TMEM209: variants seen among roughly 807,000 people sequenced by gnomAD.
TMEM209 encodes testicular tissue protein Li 202.
A neutral mutation model predicts 76.2 loss-of-function variants in TMEM209; 65 were observed. The observed-to-expected ratio is 0.85, with a 90% confidence interval of 0.70 to 1.05. The LOEUF (loss-of-function observed/expected upper bound fraction) is 1.05, where lower values mean the gene tolerates loss of function less well. Ranked by LOEUF, TMEM209 falls within the 50% of genes least tolerant of loss-of-function variation. The pLI, the probability that TMEM209 is intolerant of heterozygous loss-of-function variation, is 0.00. For synonymous variants in TMEM209, 239 were observed against 237.6 expected, an observed-to-expected ratio of 1.01 and a Z score of -0.06; for missense variants, 623 against 685.5, an observed-to-expected ratio of 0.91 and a Z score of 1.02.
intron 5 of TMEM209, among the ~76,000 whole-genome samples, chr7:130,197,797 T>G (rs541176360): frequency 6.6e-6 from 1 of 152,382 alleles, no homozygotes; most frequent in South Asian, 2.1e-4. Context: ...AATTTCTCCT[T>G]AAGTCTATGT....
chr7:130,203,357 C>T (rs992287292), intron 3 of TMEM209, among the ~76,000 whole-genome samples: 1 of 152,134 alleles, frequency 6.6e-6, no homozygotes, highest in African/African-American at 2.4e-5. Flanking sequence ...ATGAAATTTA[C>T]TTTAACATCC....
chr7:130,176,791 CA>C (rs985558576), intron 10 of TMEM209, among the ~76,000 whole-genome samples: 3 of 152,018 alleles, frequency 2.0e-5, no homozygotes, highest in African/African-American at 7.2e-5. Context: ...CAAACATTGC[CA>C]AAAAATTATG....
chr7:130,185,248 C>T lies in TMEM209; in HGVS notation c.895G>A (p.Ala299Thr), dbSNP rs1797557900. 1.2e-6 allele frequency: 2 copies of T among 1,613,842 alleles called. No homozygotes were observed. The highest frequency in any genetic ancestry group is 1.3e-5 in the African/African-American group (1 of 74,914). The change falls in exon 7 of 15, where the codon GCC becomes ACC. Residue 299 changes from alanine to threonine, a missense_variant. Coordinates refer to ENST00000397622, the MANE Select transcript of TMEM209 (RefSeq NM_032842.4). Reference protein sequence around the residue: ...FQYQLACRSQAPCANKDEADL... With the variant: ...FQYQLACRSQTPCANKDEADL... ...GCTTCATCTTTGTTAGCACATGGGGCCTGAGACCTACAGGCAAGCTGATAC... is the reference window on the plus strand; with the variant it reads ...GCTTCATCTTTGTTAGCACATGGGGTCTGAGACCTACAGGCAAGCTGATAC...
intron 2 of TMEM209, 58 bp downstream of exon 2, chr7:130,203,916 C>T: frequency 6.2e-7 from 1 of 1,601,578 alleles, no homozygotes; most frequent in South Asian, 1.1e-5. Context: ...ACACAAAAAC[C>T]TGTGGAACCA....
chr7:130,198,363 C>A (rs1224021162), intron 5 of TMEM209, among the ~76,000 whole-genome samples: 1 of 152,100 alleles, frequency 6.6e-6, no homozygotes, highest in Non-Finnish European at 1.5e-5. Flanking sequence ...GTAATCCCAG[C>A]ACTTTGGGAG....
intron 6 of TMEM209, among the ~76,000 whole-genome samples, chr7:130,189,917 T>C (rs547588460): frequency 9.9e-5 from 15 of 152,074 alleles, no homozygotes; most frequent in Non-Finnish European, 2.2e-4. Context: ...TCAGGGCTCT[T>C]AGAGAAACAG....
At chr7:130,187,919 A>G (rs1315148734) in intron 6 of TMEM209, among the ~76,000 whole-genome samples, 2 of 152,148 alleles carry the variant, frequency 1.3e-5, no homozygotes, top group Non-Finnish European at 2.9e-5. Flanking sequence ...AGGAAACAAG[A>G]CTGCAGTCCT....
At chr7:130,181,527 A>T in intron 9 of TMEM209, 96 bp downstream of exon 9, 1 of 1,047,458 alleles carries the variant, frequency 9.5e-7, no homozygotes, top group South Asian at 1.4e-5. Context: ...TTTTCACCCC[A>T]AGGTAACAAA....
intron 9 of TMEM209, among the ~76,000 whole-genome samples, chr7:130,180,964 A>AC (rs764813361): frequency 3.3e-5 from 5 of 152,204 alleles, no homozygotes; most frequent in Non-Finnish European, 7.3e-5. Context: ...CTAGGTATAT[A>AC]CCCAGGAGAA....
At chr7:130,204,977 G>T (rs1798386204) in intron 1 of TMEM209, 2 of 1,116,768 alleles carry the variant, frequency 1.8e-6, no homozygotes, top group African/African-American at 3.2e-5. Flanking sequence ...TTATGATGGG[G>T]TGGTGAGCGG....
chr7:130,195,368 A>T (rs959636235), intron 5 of TMEM209, among the ~76,000 whole-genome samples: 1 of 152,066 alleles, frequency 6.6e-6, no homozygotes, highest in Non-Finnish European at 1.5e-5. Context: ...TTTTTTAATC[A>T]ATTATGAAAG....
At chr7:130,172,058 T>C (rs1797088395) in intron 13 of TMEM209, among the ~76,000 whole-genome samples, 1 of 151,776 alleles carries the variant, frequency 6.6e-6, no homozygotes, top group African/African-American at 2.4e-5. Context: ...AATCTGTATG[T>C]GCTTGTAATC....
chr7:130,192,812 A>G lies in TMEM209; in HGVS notation c.585T>C (p.Phe195=). 1 of 1,613,850 alleles carries G rather than the reference A, an allele frequency of 6.2e-7. No individual in the cohort carries two copies. Among genetic ancestry groups the G allele is most frequent in the Non-Finnish European group, 8.5e-7 (1 of 1,179,800 alleles). ...GGTACGGAGAAGGAGGAGAGGGGCT[A>G]AAGCTCGCCAACTATACAAAATAAA... ...PVSGYNKLAS[F]SPSPPSPYPT... Residue 195 remains phenylalanine (F), a synonymous_variant, in exon 6 of 15, where the codon TTT becomes TTC. Coordinates refer to ENST00000397622, the MANE Select transcript of TMEM209 (RefSeq NM_032842.4).
rs1238399660 is a variant in TMEM209, at chr7:130,166,616, A to AG, written c.1632-112_1632-111insC. The stretch of plus-strand genomic sequence containing the variant: ...ACATGTTTAACTGATATTTAATGTG[A>AG]TTCTGCAATGAATTATGTTATACAT... On this transcript the variant is annotated intron_variant, in intron 14 of 14. Coordinates refer to ENST00000397622, the MANE Select transcript of TMEM209 (RefSeq NM_032842.4). The AG allele has an allele frequency of 3.7e-5, 22 of 589,744 alleles. No individual in the cohort carries two copies. In the East Asian group the frequency reaches 6.6e-4, roughly 18 times the overall value. 36.5% of individuals were successfully genotyped at this position (589,744 alleles called of 1,614,324 possible). A position where few individuals can be genotyped will look rare whatever the true frequency, so the allele number is the denominator to read the frequency against.
chr7:130,173,934 G>A lies in TMEM209; in HGVS notation c.1350C>T (p.Ile450=). ...DTDLPTDSAI[I]MHVFCTYLDS... ...CAAGGTAGGTGCAAAATACATGCAT[G>A]ATGATCTGAGGATGAAGAAATAATT... Residue 450 remains isoleucine (I), a synonymous_variant, in exon 12 of 15, where the codon ATC becomes ATT. Transcript: ENST00000397622. 6.3e-7 allele frequency: 1 copy of A among 1,599,296 alleles called. No individual in the cohort carries two copies. The highest frequency in any genetic ancestry group is 8.6e-7 in the Non-Finnish European group (1 of 1,166,752).
chr7:130,188,129 T>C (rs1016227307), intron 6 of TMEM209, among the ~76,000 whole-genome samples: 2 of 151,992 alleles, frequency 1.3e-5, no homozygotes, highest in Non-Finnish European at 2.9e-5. Flanking sequence ...TGAGAACAAG[T>C]GGCTGAAATT....
intron 11 of TMEM209, among the ~76,000 whole-genome samples, chr7:130,174,724 A>G (rs543152831): frequency 6.6e-6 from 1 of 152,354 alleles, no homozygotes; most frequent in East Asian, 1.9e-4. Flanking sequence ...TAAAGTGACA[A>G]TCCCAAGAAA....
rs1796839676 is a variant in TMEM209 at position 130,164,960 on chromosome 7, G to A, written c.*1491C>T. 6.6e-6 allele frequency: 1 copy of A among 151,996 alleles called. No individual in the cohort carries two copies. The highest frequency in any genetic ancestry group is 1.5e-5 in the Non-Finnish European group (1 of 67,962). The allele number at this position is 151,996 out of a possible 1,614,324, so 9.4% of individuals were successfully genotyped here. A position where few individuals can be genotyped will look rare whatever the true frequency, so the allele number is the denominator to read the frequency against. On this transcript the variant is annotated 3_prime_UTR_variant, in exon 15 of 15. Transcript: ENST00000397622. ...TTTGGACATCAACTTTTAAAAACAC[G>A]AACAACTTTTTGAAAGACAGAATTT...
At chr7:130,192,450 C>G (rs1478970943) in intron 6 of TMEM209, 172 bp downstream of exon 6, 1 of 609,322 alleles carries the variant, frequency 1.6e-6, no homozygotes, top group African/African-American at 1.8e-5. Context: ...ATTTCACTTC[C>G]TAAATTTAGT....
Sources: allele counts gnomAD v4.1 joint callset (sites outside exome capture counted in the v4.1 genomes callset), GRCh38; gene constraint gnomAD v4.1.1; transcripts MANE v1.5; gene names NCBI Gene and HGNC (gene_info 2026-07-23, HGNC 2026-07-21).